Variants in CYRIB observed in about 807,000 individuals in gnomAD.
CYRIB encodes the protein CYFIP-related Rac1 interactor B.
Under a neutral mutation model 44.2 loss-of-function variants are expected in CYRIB, and 8 were observed. That is an observed-to-expected ratio of 0.18 (90% confidence interval 0.11 to 0.33). CYRIB has a LOEUF of 0.33. CYRIB is among the 10% of genes least tolerant of loss of function. The pLI is 1.00. For missense variants in CYRIB, 185 were observed against 382.8 expected, an observed-to-expected ratio of 0.48 and a Z score of 4.31; for synonymous variants, 131 against 127.2, an observed-to-expected ratio of 1.03 and a Z score of -0.20.
chr8:129,979,803 C>T (rs2096130979), intron 1 of CYRIB, among the ~76,000 whole-genome samples: 1 of 152,134 alleles, frequency 6.6e-6, no homozygotes, highest in African/African-American at 2.4e-5. Context: ...CACCTATAAT[C>T]CCAGCTATTT....
intron 2 of CYRIB, among the ~76,000 whole-genome samples, chr8:129,897,486 T>C (rs2068658238): frequency 6.6e-6 from 1 of 151,664 alleles, no homozygotes; most frequent in Non-Finnish European, 1.5e-5. Context: ...CCATTAAATA[T>C]ATGAAGTATC....
intron 1 of CYRIB, among the ~76,000 whole-genome samples, chr8:129,905,469 G>A (rs1429066285): frequency 6.6e-6 from 1 of 152,098 alleles, no homozygotes; most frequent in Non-Finnish European, 1.5e-5. Context: ...TGCCCACCTT[G>A]GCTTCCCAAA....
chr8:129,860,303 T>G (rs142357008), intron 5 of CYRIB, among the ~76,000 whole-genome samples: 1 of 152,310 alleles, frequency 6.6e-6, no homozygotes, highest in South Asian at 2.1e-4. Context: ...TGAGCTTGAA[T>G]AGCATCTGAG....
chr8:129,936,704 C>CT (rs397893033), intron 1 of CYRIB, among the ~76,000 whole-genome samples: 1,628 of 118,222 alleles, frequency 0.014, 28 homozygotes, highest in African/African-American at 0.027. Context: ...ATATAGCAGT[C>CT]TTTTTTTTTT....
At chr8:130,012,637 A>C (rs992262352) in intron 1 of CYRIB, among the ~76,000 whole-genome samples, 3 of 152,210 alleles carry the variant, frequency 2.0e-5, no homozygotes, top group African/African-American at 7.2e-5. Flanking sequence ...TGAAAGATGA[A>C]GAGAAAGACA....
At chr8:129,885,726 T>C (rs181386308) in intron 2 of CYRIB, among the ~76,000 whole-genome samples, 6 of 152,276 alleles carry the variant, frequency 3.9e-5, no homozygotes, top group South Asian at 2.1e-4. Flanking sequence ...TTTTAACATA[T>C]GACCACCAAC....
chr8:129,950,334 C>T (rs989050539), intron 2 of CYRIB, among the ~76,000 whole-genome samples: 4 of 152,194 alleles, frequency 2.6e-5, no homozygotes, highest in African/African-American at 9.7e-5. Context: ...CTTTGGGAGG[C>T]CATGGCAGAC....
chr8:130,002,547 C>A (rs1006932518), intron 1 of CYRIB, among the ~76,000 whole-genome samples: 1 of 152,090 alleles, frequency 6.6e-6, no homozygotes, highest in African/African-American at 2.4e-5. Context: ...TAGAAAAAAA[C>A]GTGAAAATGA....
At chr8:129,998,377 C>A (rs1169121790) in intron 1 of CYRIB, among the ~76,000 whole-genome samples, 2 of 152,008 alleles carry the variant, frequency 1.3e-5, no homozygotes, top group East Asian at 1.9e-4. Context: ...GTTGAGGAAC[C>A]CTGAGGATTC....
chr8:129,985,210 T>TAAGGG (rs767306117), intron 1 of CYRIB, among the ~76,000 whole-genome samples: 13 of 152,178 alleles, frequency 8.5e-5, no homozygotes, highest in Non-Finnish European at 1.8e-4. Context: ...TATTTACCAG[T>TAAGGG]AAGGGTTGTG....
intron 8 of CYRIB, chr8:129,851,808 CA>C (rs1025650113): frequency 1.2e-3 from 188 of 154,658 alleles, no homozygotes; most frequent in Middle Eastern, 6.0e-3. Context: ...AACTCTGTCT[CA>C]AAAAAAAAAG....
chr8:129,998,902 TCTC>T (rs2096843485), intron 1 of CYRIB, among the ~76,000 whole-genome samples: 1 of 152,160 alleles, frequency 6.6e-6, no homozygotes, highest in Admixed American at 6.5e-5. Flanking sequence ...ACTTTTTTCT[TCTC>T]CTTCTTCTTT....
At chr8:130,006,277 T>A (rs1307144812) in intron 1 of CYRIB, among the ~76,000 whole-genome samples, 2 of 151,564 alleles carry the variant, frequency 1.3e-5, no homozygotes, top group African/African-American at 4.9e-5. Context: ...TACTCCAGCT[T>A]GGGTGACAAA....
chr8:130,002,289 CAT>C (rs2096924836), intron 1 of CYRIB, among the ~76,000 whole-genome samples: 1 of 152,058 alleles, frequency 6.6e-6, no homozygotes, highest in Non-Finnish European at 1.5e-5. Flanking sequence ...AGGGAGACCC[CAT>C]CTCTACAAAT....
At chr8:129,936,437 G>A (rs1038138415) in intron 1 of CYRIB, among the ~76,000 whole-genome samples, 3 of 152,122 alleles carry the variant, frequency 2.0e-5, no homozygotes, top group African/African-American at 7.2e-5. Context: ...ATACTACAGC[G>A]TAATTAAGAG....
At chr8:129,972,919 C>T (rs1044260201) in intron 1 of CYRIB, among the ~76,000 whole-genome samples, 7 of 152,224 alleles carry the variant, frequency 4.6e-5, no homozygotes, top group African/African-American at 1.4e-4. Context: ...AACCAGATCT[C>T]GCCTCCTCTT....
intron 2 of CYRIB, among the ~76,000 whole-genome samples, chr8:129,902,043 G>T (rs2072412281): frequency 6.6e-6 from 1 of 152,046 alleles, no homozygotes; most frequent in South Asian, 2.1e-4. Context: ...TCTGAGGCAG[G>T]ATTCATAGGC....
chr8:129,875,371 A>G (rs1200047153), intron 3 of CYRIB, among the ~76,000 whole-genome samples: 1 of 151,920 alleles, frequency 6.6e-6, no homozygotes, highest in African/African-American at 2.4e-5. Flanking sequence ...ATTCCCAGCT[A>G]ATTAAAAAAT....
At chr8:129,919,137 T>C (rs1199470852) in intron 1 of CYRIB, among the ~76,000 whole-genome samples, 4 of 152,178 alleles carry the variant, frequency 2.6e-5, no homozygotes, top group African/African-American at 9.7e-5. Context: ...GTGCTGGGAT[T>C]GTGGGTGTGA....
Sources: gnomAD v4.1 joint callset for allele counts (sites outside exome capture counted in the v4.1 genomes callset) on GRCh38, gnomAD v4.1.1 for gene constraint, MANE v1.5 for transcripts, NCBI Gene and HGNC (gene_info 2026-07-23, HGNC 2026-07-21) for gene names.